Variants in TENM2 observed in about 807,000 individuals in gnomAD.
The protein encoded by TENM2 is teneurin-2.
TENM2 carries 52 observed loss-of-function variants against 245.2 expected under a neutral mutation model. That is an observed-to-expected ratio of 0.21 (90% CI 0.17 to 0.27). The LOEUF is 0.27. TENM2 is among the 10% of genes least tolerant of loss of function. The probability of loss-of-function intolerance (pLI) is 1.00; values close to 1 mark genes in which losing one functional copy is unlikely to be tolerated. For missense variants in TENM2, 3,046 were observed against 3,666.8 expected (o/e 0.83, Z 4.37); for synonymous variants, 1,363 against 1,438.9 (o/e 0.95, Z 1.19).
At chr5:167,342,517 T>C (rs906650205) in intron 1 of TENM2, among the ~76,000 whole-genome samples, 1 of 117,934 alleles carries the variant, frequency 8.5e-6, no homozygotes. Context: ...CTTTTTTTTT[T>C]TTTTTTTTTT....
chr5:168,062,236 A>C, exon 7 of TENM2: 1 of 1,613,864 alleles, frequency 6.2e-7, no homozygotes, highest in Non-Finnish European at 8.5e-7. Flanking sequence ...TGTTTACATA[A>C]GAAGAGGACT....
At chr5:167,558,340 T>C (rs1773381468) in intron 2 of TENM2, among the ~76,000 whole-genome samples, 1 of 152,238 alleles carries the variant, frequency 6.6e-6, no homozygotes, top group Non-Finnish European at 1.5e-5. Context: ...TCCTGAGAAG[T>C]ACTTCAAACA....
intron 9 of TENM2, among the ~76,000 whole-genome samples, chr5:168,115,401 G>GGA (rs1554200355): frequency 9.8e-6 from 1 of 102,214 alleles, no homozygotes; most frequent in Non-Finnish European, 1.9e-5. Context: ...AGGAAGGAAG[G>GGA]AAGGAAGGGA....
chr5:167,823,121 A>G (rs186642536), intron 2 of TENM2, among the ~76,000 whole-genome samples: 1 of 152,136 alleles, frequency 6.6e-6, no homozygotes, highest in Admixed American at 6.5e-5. Flanking sequence ...GTGGTCGGAG[A>G]TTGATAGTGC....
At chr5:167,554,026 G>A (rs1179676167) in intron 2 of TENM2, among the ~76,000 whole-genome samples, 1 of 152,176 alleles carries the variant, frequency 6.6e-6, no homozygotes, top group East Asian at 1.9e-4. Flanking sequence ...TTCTCAAACA[G>A]GGCTTGATTC....
intron 1 of TENM2, among the ~76,000 whole-genome samples, chr5:167,297,084 AG>A (rs1754987203): frequency 1.3e-5 from 2 of 152,182 alleles, no homozygotes; most frequent in African/African-American, 4.8e-5. Context: ...AAATGTCTCA[AG>A]GGATTTGAGT....
the TENM2 span, among the ~76,000 whole-genome samples, chr5:167,058,948 A>T: frequency 6.6e-6 from 1 of 152,208 alleles, no homozygotes; most frequent in African/African-American, 2.4e-5. Flanking sequence ...AAGAAAAGAC[A>T]GCACCCCCAA....
intron 6 of TENM2, among the ~76,000 whole-genome samples, chr5:168,053,006 G>T (rs372099791): frequency 2.0e-5 from 3 of 152,088 alleles, no homozygotes; most frequent in Middle Eastern, 3.2e-3. Flanking sequence ...AAATTCTTCC[G>T]CTGGCTCTCA....
chr5:167,891,620 T>C (rs1239713869), intron 3 of TENM2, among the ~76,000 whole-genome samples: 2 of 152,152 alleles, frequency 1.3e-5, no homozygotes, highest in Non-Finnish European at 2.9e-5. Flanking sequence ...TTTTTGTTAC[T>C]GTTTTTATGT....
At chr5:167,555,467 A>C (rs1327688714) in intron 2 of TENM2, among the ~76,000 whole-genome samples, 2 of 152,032 alleles carry the variant, frequency 1.3e-5, no homozygotes, top group Non-Finnish European at 2.9e-5. Context: ...CCCTGGAAAA[A>C]CATCTCACTT....
chr5:167,948,856 C>T (rs1779851486), intron 3 of TENM2: 1 of 152,150 alleles, frequency 6.6e-6, no homozygotes, highest in South Asian at 2.1e-4. Flanking sequence ...AGTTATTCAT[C>T]TCCGTTTCAT....
the TENM2 span, among the ~76,000 whole-genome samples, chr5:167,130,639 G>A: frequency 6.6e-6 from 1 of 152,088 alleles, no homozygotes; most frequent in African/African-American, 2.4e-5. Context: ...GGCCATGTGG[G>A]TCCACACCCA....
the TENM2 span, among the ~76,000 whole-genome samples, chr5:167,248,044 G>C: frequency 6.6e-6 from 1 of 152,068 alleles, no homozygotes; most frequent in African/African-American, 2.4e-5. Flanking sequence ...AGAAAACATA[G>C]CATGCAGAGG....
the TENM2 span, among the ~76,000 whole-genome samples, chr5:167,220,128 CTGG>C: frequency 6.6e-6 from 1 of 152,296 alleles, no homozygotes. Context: ...TTGAACTATA[CTGG>C]TACTGACACC....
At chr5:167,266,672 T>C in the TENM2 span, among the ~76,000 whole-genome samples, 1 of 152,192 alleles carries the variant, frequency 6.6e-6, no homozygotes, top group Non-Finnish European at 1.5e-5. Flanking sequence ...ATCTGTAAAA[T>C]GGGGATAGGT....
At chr5:168,169,619 C>T (rs7728598) in intron 13 of TENM2, among the ~76,000 whole-genome samples, 71,448 of 152,052 alleles carry the variant, frequency 0.47, 17,646 homozygotes, top group East Asian at 0.95. Flanking sequence ...ATCTCACTTG[C>T]TAATTAATAA....
At chr5:168,115,065 G>C (rs374155887) in intron 9 of TENM2, among the ~76,000 whole-genome samples, 3 of 152,010 alleles carry the variant, frequency 2.0e-5, no homozygotes, top group Admixed American at 6.6e-5. Context: ...AGGCCAAGGC[G>C]GGTGGATCAC....
intron 2 of TENM2, among the ~76,000 whole-genome samples, chr5:167,483,164 C>T (rs774919736): frequency 2.0e-5 from 3 of 152,150 alleles, no homozygotes; most frequent in Non-Finnish European, 4.4e-5. Flanking sequence ...TTAGAGCATA[C>T]ATGTAAAACA....
At chr5:167,031,398 C>T in the TENM2 span, among the ~76,000 whole-genome samples, 1 of 152,120 alleles carries the variant, frequency 6.6e-6, no homozygotes, top group Admixed American at 6.5e-5. Flanking sequence ...CACATAACAC[C>T]ACTTAAGTTA....
Sources: allele counts gnomAD v4.1 joint callset (sites outside exome capture counted in the v4.1 genomes callset), GRCh38; gene constraint gnomAD v4.1.1; transcripts MANE v1.5; gene names NCBI Gene and HGNC (gene_info 2026-07-23, HGNC 2026-07-21).